The following NAT1 variants were observed in gnomAD, a reference collection of about 807,000 sequenced individuals.
NAT1 encodes arylamine N-acetyltransferase 1.
For synonymous variants in NAT1, 144 were observed against 122.6 expected (o/e 1.17, Z -1.16); for missense variants, 400 against 339.2 (o/e 1.18, Z -1.41).
intron 2 of NAT1, among the ~76,000 whole-genome samples, chr8:18,180,892 G>A (rs1489814945): frequency 3.3e-5 from 5 of 152,086 alleles, no homozygotes; most frequent in Non-Finnish European, 7.4e-5. Flanking sequence ...ATACCATGCT[G>A]CTTTGGTTGC....
At chr8:18,188,110 C>T (rs1802819243) in intron 2 of NAT1, among the ~76,000 whole-genome samples, 1 of 152,090 alleles carries the variant, frequency 6.6e-6, no homozygotes, top group African/African-American at 2.4e-5. Context: ...TATACTTTTA[C>T]TCTTTGTACC....
chr8:18,182,461 G>T (rs1206551243), intron 2 of NAT1, among the ~76,000 whole-genome samples: 1 of 152,034 alleles, frequency 6.6e-6, no homozygotes, highest in Admixed American at 6.6e-5. Flanking sequence ...TTTACTTTTA[G>T]GTCTACAATC....
chr8:18,207,814 G>A (rs191918242), upstream of NAT1, among the ~76,000 whole-genome samples: 34 of 152,234 alleles, frequency 2.2e-4, no homozygotes, highest in South Asian at 5.8e-3. Flanking sequence ...ATACATGCAC[G>A]TATATGTTCA....
At position 18,184,063 on chromosome 8, in the gene NAT1, C is replaced by T. The variant is rs373413681; in HGVS notation, n.92+13324C>T. On this transcript the variant is annotated intron_variant and non_coding_transcript_variant, in intron 2 of 4. Transcript: ENST00000517441. ...CGGGGTGGTGGGGGGGTCCCTGTTC[C>T]CATTGCTTCACTAGGCATTACCTTG... 3.0e-4 allele frequency among the ~76,000 whole-genome samples: 46 copies of T among 152,170 alleles called. 1 individual carries two copies. The South Asian group carries it at 6.0e-3, about 20-fold the overall frequency.
chr8:18,208,625 C>T (rs903953971), upstream of NAT1, among the ~76,000 whole-genome samples: 8 of 152,324 alleles, frequency 5.3e-5, no homozygotes, highest in Middle Eastern at 3.4e-3. Flanking sequence ...AATATCCTCA[C>T]GAGCCCAGGC....
At chr8:18,175,594 T>G (rs1426315189) in intron 2 of NAT1, among the ~76,000 whole-genome samples, 1 of 152,148 alleles carries the variant, frequency 6.6e-6, no homozygotes, top group Admixed American at 6.6e-5. Flanking sequence ...TATAGTATGT[T>G]TTCTTTATCC....
chr8:18,217,118 T>G, intron 1 of NAT1: 1 of 674,430 alleles, frequency 1.5e-6, no homozygotes, highest in Non-Finnish European at 2.5e-6. Context: ...TATAACTGGT[T>G]TTCCCTCTGG....
At chr8:18,170,838 G>A (rs1802069362) in intron 2 of NAT1, 2 of 151,782 alleles carry the variant, frequency 1.3e-5, no homozygotes, top group Admixed American at 6.6e-5. Flanking sequence ...CACTTATTTT[G>A]TGTTCTGAGC....
At chr8:18,208,377 T>C (rs986143252), upstream of NAT1, among the ~76,000 whole-genome samples, 52 of 152,100 alleles carry the variant, frequency 3.4e-4, no homozygotes, top group African/African-American at 1.2e-3. Flanking sequence ...TGATCCTACA[T>C]AGAGAAAACT....
chr8:18,189,118 A>G (rs994089265), intron 2 of NAT1, among the ~76,000 whole-genome samples: 5 of 152,260 alleles, frequency 3.3e-5, no homozygotes, highest in African/African-American at 1.2e-4. Context: ...TACAACACAT[A>G]AAATGCATTA....
chr8:18,190,374 C>A, intron 2 of NAT1, among the ~76,000 whole-genome samples: 1 of 152,338 alleles, frequency 6.6e-6, no homozygotes, highest in African/African-American at 2.4e-5. Context: ...TCCTGGGCAG[C>A]TTTGAACACA....
intron 2 of NAT1, among the ~76,000 whole-genome samples, chr8:18,181,017 AT>A (rs992578722): frequency 5.3e-5 from 8 of 151,694 alleles, no homozygotes; most frequent in African/African-American, 9.7e-5. Context: ...ACATTTTAGA[AT>A]TTTTTTTCTA....
chr8:18,177,260 C>G (rs113146833), intron 2 of NAT1, among the ~76,000 whole-genome samples: 2 of 151,878 alleles, frequency 1.3e-5, no homozygotes, highest in East Asian at 3.9e-4. Context: ...CCACTATATT[C>G]CAAGAATAGT....
In NAT1 at chr8:18,187,641, G is replaced by C. The variant is rs571317917; in HGVS notation, n.92+16902G>C. 3.9e-5 allele frequency among the ~76,000 whole-genome samples: 6 copies of C among 152,104 alleles called. No individual in the cohort carries two copies. The South Asian group carries it at 1.3e-3, about 32-fold the overall frequency. On this transcript the variant is annotated intron_variant and non_coding_transcript_variant, in intron 2 of 4. Coordinates refer to the NAT1 transcript ENST00000517441. ...TACAGCTGTTCCCACTTATAAGTGG[G>C]AATTAAATGATGAGAACACATGGAC...
chr8:18,221,630 A>T (rs1454026433), intron 2 of NAT1: 2 of 157,866 alleles, frequency 1.3e-5, no homozygotes, highest in African/African-American at 4.8e-5. Flanking sequence ...CTCAGCTAAA[A>T]GGGAAATTGA....
chr8:18,173,452 G>T (rs1489803257), intron 2 of NAT1, among the ~76,000 whole-genome samples: 1 of 152,120 alleles, frequency 6.6e-6, no homozygotes, highest in Non-Finnish European at 1.5e-5. Flanking sequence ...GAAAAGCAAG[G>T]CTGTTGTGGA....
intron 2 of NAT1, among the ~76,000 whole-genome samples, chr8:18,188,452 T>TATAAATGA (rs1802831608): frequency 6.6e-6 from 1 of 152,188 alleles, no homozygotes; most frequent in Admixed American, 6.5e-5. Context: ...AATATACATT[T>TATAAATGA]ATAAATGAAT....
Position 18,188,199 on chromosome 8 carries a change from A to C in NAT1, n.92+17460A>C, listed in dbSNP as rs138490098. On this transcript the variant is annotated intron_variant and non_coding_transcript_variant, in intron 2 of 4. Coordinates refer to the NAT1 transcript ENST00000517441. ...CTGTATGTATGTGATTTCACAAGTA[A>C]ACAATTAGACACATCCCTGAAAACA... Among the ~76,000 whole-genome samples the C allele has an allele frequency of 9.2e-5, 14 of 152,338 alleles. No individual in the cohort carries two copies. The East Asian group carries it at 2.7e-3, about 29-fold the overall frequency.
intron 2 of NAT1, among the ~76,000 whole-genome samples, chr8:18,188,859 G>A (rs144414369): frequency 0.023 from 3,550 of 151,616 alleles, 146 homozygotes; most frequent in African/African-American, 0.081. Context: ...GCCAGGTGTG[G>A]TGGTGAACAC....
Sources: gnomAD v4.1 joint callset for allele counts (sites outside exome capture counted in the v4.1 genomes callset) on GRCh38, gnomAD v4.1.1 for gene constraint, MANE v1.5 for transcripts, NCBI Gene and HGNC (gene_info 2026-07-23, HGNC 2026-07-21) for gene names.